The following NRP2 variants were observed in gnomAD, a reference collection of about 807,000 sequenced individuals.
NRP2 encodes the protein neuropilin 2.
Under a neutral mutation model 110.4 loss-of-function variants are expected in NRP2, and 52 were observed. The observed-to-expected ratio is 0.47, with a 90% confidence interval of 0.38 to 0.59. The LOEUF is 0.59. NRP2 is among the 20% of genes least tolerant of loss of function. The pLI is 0.00. For missense variants in NRP2, 1,049 were observed against 1,203.0 expected, an observed-to-expected ratio of 0.87 and a Z score of 1.89; for synonymous variants, 508 against 468.9, an observed-to-expected ratio of 1.08 and a Z score of -1.08.
At position 205,780,705 on chromosome 2, in the gene NRP2, T is replaced by C. The variant is rs1054179430; in HGVS notation, c.2426-11530T>C. On this transcript the variant is annotated intron_variant, in intron 15 of 16. Transcript: ENST00000357785. ...AAATGTACATGTTCAGAAGATCCTA[T>C]TTCTGTCAGAGTCCTGCTTTTCATC... Among the ~76,000 whole-genome samples, 5 of 152,304 alleles carry C rather than the reference T, an allele frequency of 3.3e-5. No homozygotes were observed. In the East Asian group the frequency reaches 7.7e-4, roughly 23 times the overall value.
chr2:205,722,738 A>G, intron 4 of NRP2, 30 bp downstream of exon 4: 1 of 1,586,232 alleles, frequency 6.3e-7, no homozygotes, highest in East Asian at 2.2e-5. Flanking sequence ...ATTCCTCAGT[A>G]GCTTGGCCTT....
intron 15 of NRP2, among the ~76,000 whole-genome samples, chr2:205,781,208 G>A (rs1317331098): frequency 1.3e-5 from 2 of 152,144 alleles, no homozygotes; most frequent in Non-Finnish European, 2.9e-5. Flanking sequence ...TATTTTAAGG[G>A]TACTTACTCC....
Position 205,719,863 on chromosome 2 carries a change from C to T in NRP2, c.434-2615C>T, listed in dbSNP as rs534259976. The stretch of plus-strand genomic sequence containing the variant: ...GACATTTTTCATAGCAGAGTCTTTT[C>T]CTATGAAATCATTCGCTGCAACCCA... On this transcript the variant is annotated intron_variant, in intron 3 of 16. Coordinates refer to ENST00000357785, the MANE Select transcript of NRP2 (RefSeq NM_003872.3). 9.8e-4 allele frequency among the ~76,000 whole-genome samples: 149 copies of T among 152,324 alleles called. 1 individual carries two copies. Among genetic ancestry groups the T allele is most frequent in the Non-Finnish European group, 1.6e-3 (110 of 68,038 alleles).
At chr2:205,717,749 A>G (rs1287483610) in intron 3 of NRP2, among the ~76,000 whole-genome samples, 1 of 152,206 alleles carries the variant, frequency 6.6e-6, no homozygotes, top group African/African-American at 2.4e-5. Context: ...TGCAAAATTC[A>G]GATCAATGCC....
intron 15 of NRP2, chr2:205,778,959 T>C (rs2058141377): frequency 6.6e-6 from 1 of 152,250 alleles, no homozygotes; most frequent in African/African-American, 2.4e-5. Flanking sequence ...GGTACTGTGC[T>C]AAAAGGTCAG....
intron 15 of NRP2, among the ~76,000 whole-genome samples, chr2:205,789,185 C>T (rs1416600856): frequency 1.3e-5 from 2 of 152,166 alleles, no homozygotes; most frequent in East Asian, 3.9e-4. Flanking sequence ...GTTACAGTGT[C>T]CCAGCCACAC....
chr2:205,750,192 C>A (rs1466092054), intron 11 of NRP2, among the ~76,000 whole-genome samples: 1 of 152,192 alleles, frequency 6.6e-6, no homozygotes, highest in African/African-American at 2.4e-5. Flanking sequence ...CCTTAGAATT[C>A]ACAGCTCTGA....
Position 205,682,666 on chromosome 2 carries a change from ACAG to A in NRP2, c.-614_-612del. 5.4e-5 allele frequency: 9 copies of A among 167,072 alleles called. No homozygotes were observed. The highest frequency in any genetic ancestry group is 1.6e-4 in the South Asian group (1 of 6,358). 10.3% of individuals were successfully genotyped at this position (167,072 alleles called of 1,614,324 possible). On this transcript the variant is annotated 5_prime_UTR_variant, in exon 1 of 17. Transcript: ENST00000357785. The surrounding 1 kb of genome is among the most constrained non-coding windows in gnomAD (Gnocchi z 4.3). ...CACCGCCGCCGCACCAGCAGCAGCA[ACAG>A]CAGCAGCAGCTTCCTTCCTCAGACT...
chr2:205,765,055 C>T (rs954624337), intron 13 of NRP2, among the ~76,000 whole-genome samples: 1 of 152,170 alleles, frequency 6.6e-6, no homozygotes, highest in South Asian at 2.1e-4. Context: ...CTGTATTTCT[C>T]ACATTACCCC....
intron 16 of NRP2, among the ~76,000 whole-genome samples, chr2:205,794,256 G>A (rs373345854): frequency 2.0e-4 from 31 of 152,132 alleles, no homozygotes; most frequent in African/African-American, 6.5e-4. Flanking sequence ...GACTACAGGC[G>A]CCCGCCACCA....
intron 2 of NRP2, among the ~76,000 whole-genome samples, chr2:205,709,277 G>T (rs377179252): frequency 1.3e-5 from 2 of 152,174 alleles, no homozygotes; most frequent in Non-Finnish European, 2.9e-5. Context: ...TGTGCTTTTC[G>T]TTTCATCTTC....
intron 7 of NRP2, among the ~76,000 whole-genome samples, chr2:205,732,162 T>C (rs1402083989): frequency 6.6e-6 from 1 of 152,162 alleles, no homozygotes; most frequent in Non-Finnish European, 1.5e-5. Context: ...AAGTTCTGCA[T>C]GCAGGATGAG....
rs141965973 is a variant in NRP2 at position 205,788,000 on chromosome 2, T to C, written c.2426-4235T>C. Among the ~76,000 whole-genome samples, 120 of 152,238 alleles carry C rather than the reference T, an allele frequency of 7.9e-4. 2 individuals carry two copies. The East Asian group carries it at 0.021, about 26-fold the overall frequency. On this transcript the variant is annotated intron_variant, in intron 15 of 16. Coordinates refer to ENST00000357785, the MANE Select transcript of NRP2 (RefSeq NM_003872.3). ...CACCCTTTGTGCCGTAGTGTTGCAA[T>C]GTATTGACAAGCACACTAGAGAATA...
intron 2 of NRP2, among the ~76,000 whole-genome samples, chr2:205,710,407 T>C (rs906589991): frequency 6.6e-6 from 1 of 152,188 alleles, no homozygotes; most frequent in Non-Finnish European, 1.5e-5. Context: ...GAAATGAGGA[T>C]TAAATGAAAT....
At chr2:205,756,613 A>C (rs894825831) in intron 12 of NRP2, 2 of 152,234 alleles carry the variant, frequency 1.3e-5, no homozygotes, top group Non-Finnish European at 2.9e-5. Flanking sequence ...AGGGCACGTC[A>C]CTGTATACAC....
intron 2 of NRP2, among the ~76,000 whole-genome samples, chr2:205,706,856 C>A (rs2056688689): frequency 6.6e-6 from 1 of 152,142 alleles, no homozygotes; most frequent in South Asian, 2.1e-4. Context: ...GGCACTGATG[C>A]CTCCTCCCAC....
intron 7 of NRP2, among the ~76,000 whole-genome samples, chr2:205,734,049 A>C (rs1302334483): frequency 6.6e-6 from 1 of 152,062 alleles, no homozygotes; most frequent in Non-Finnish European, 1.5e-5. Context: ...TGATGACAAA[A>C]ACAGCCCGAA....
chr2:205,795,054 C>G lies in NRP2; in HGVS notation c.2777C>G (p.Ala926Gly). The change falls in exon 17 of 17, where the codon GCA becomes GGA. Residue 926 changes from alanine to glycine, a missense_variant. Transcript: ENST00000357785. ...KMNHQKCCSE[A>G] ...AACCACCAAAAGTGCTGCTCCGAGG[C>G]ATGACGGATTGCACCTGAATCCTAT... The G allele has an allele frequency of 6.2e-7, 1 of 1,613,840 alleles. No homozygotes were observed. The highest frequency in any genetic ancestry group is 1.7e-5 in the Admixed American group (1 of 59,990).
rs1240190640 is a variant in NRP2 at position 205,749,758 on chromosome 2, C to T, written c.1820C>T (p.Thr607Ile). The change falls in exon 11 of 17, where the codon ACT (threonine) becomes ATT (isoleucine). Residue 607 changes from threonine (T) to isoleucine (I), a missense_variant. Physicochemically the swap from Thr to Ile is moderately conservative, Grantham distance 89. Transcript: ENST00000357785. ...SKPTVETLGP[T>I]VKSEETTTPY... The stretch of plus-strand genomic sequence containing the variant: ...CCCACGGTAGAGACGCTGGGACCCA[C>T]TGTGAAGAGCGAAGAGACAACCACC... The T allele has an allele frequency of 1.9e-6, 3 of 1,614,198 alleles. No individual in the cohort carries two copies. The highest frequency in any genetic ancestry group is 1.7e-5 in the Admixed American group (1 of 60,032).
Sources: gnomAD v4.1 joint callset for allele counts (sites outside exome capture counted in the v4.1 genomes callset) on GRCh38, gnomAD v4.1.1 for gene constraint, Gnocchi (gnomAD v3.1) non-coding constraint, MANE v1.5 for transcripts, NCBI Gene and HGNC (gene_info 2026-07-23, HGNC 2026-07-21) for gene names.